KCNQ5: variants seen among roughly 807,000 people sequenced by gnomAD.
The protein encoded by KCNQ5 is potassium voltage-gated channel subfamily Q member 5, also known as potassium voltage-gated channel subfamily KQT member 5.
Under a neutral mutation model 98.2 loss-of-function variants are expected in KCNQ5, and 30 were observed. That is an observed-to-expected ratio of 0.31 (90% confidence interval 0.23 to 0.41). The LOEUF is 0.41. KCNQ5 is among the 10% of genes least tolerant of loss of function. The pLI, the probability that KCNQ5 is intolerant of heterozygous loss-of-function variation, is 1.00. For missense variants in KCNQ5, 835 were observed against 1,182.5 expected, an observed-to-expected ratio of 0.71 and a Z score of 4.31; for synonymous variants, 458 against 449.4, an observed-to-expected ratio of 1.02 and a Z score of -0.24.
intron 10 of KCNQ5, among the ~76,000 whole-genome samples, chr6:73,149,971 T>TA (rs1777085092): frequency 6.7e-6 from 1 of 149,516 alleles, no homozygotes; most frequent in Non-Finnish European, 1.5e-5. Context: ...ACATATCTGA[T>TA]TAGAATATAT....
chr6:73,173,021 G>A (rs1054949345), intron 11 of KCNQ5, among the ~76,000 whole-genome samples: 1 of 152,010 alleles, frequency 6.6e-6, no homozygotes, highest in Non-Finnish European at 1.5e-5. Flanking sequence ...GAATTTGTCT[G>A]GATTCTATTA....
In KCNQ5 at chr6:73,149,819, A is replaced by AGG. The variant is rs1259863657; in HGVS notation, c.1468+16179_1468+16180insGG. On this transcript the variant is annotated intron_variant, in intron 10 of 13. Transcript: ENST00000370398. ...AAAAAAAAAAAAAAGAGAGAGAGAG[A>AGG]GAGAGAGGGAGGGAGGAAGGAAGGA... 1.7e-3 allele frequency among the ~76,000 whole-genome samples: 254 copies of AGG among 146,374 alleles called. 1 individual carries two copies. Among genetic ancestry groups the AGG allele is most frequent in the African/African-American group, 6.2e-3 (230 of 37,354 alleles).
intron 9 of KCNQ5, among the ~76,000 whole-genome samples, chr6:73,128,875 C>G (rs1776104920): frequency 6.6e-6 from 1 of 152,118 alleles, no homozygotes; most frequent in Non-Finnish European, 1.5e-5. Flanking sequence ...CTGTGAGCCA[C>G]CGAGTGCTTT....
At chr6:72,953,982 C>A (rs1766928086) in intron 1 of KCNQ5, among the ~76,000 whole-genome samples, 1 of 152,066 alleles carries the variant, frequency 6.6e-6, no homozygotes, top group Non-Finnish European at 1.5e-5. Context: ...AATTAACGAA[C>A]CACCAACAAA....
intron 1 of KCNQ5, among the ~76,000 whole-genome samples, chr6:72,886,234 G>A (rs1331740114): frequency 6.6e-6 from 1 of 152,082 alleles, no homozygotes; most frequent in Admixed American, 6.6e-5. Context: ...AATATGAGTG[G>A]GGAGCAAGGG....
At chr6:72,756,225 T>C (rs1244303543) in intron 1 of KCNQ5, among the ~76,000 whole-genome samples, 1 of 152,216 alleles carries the variant, frequency 6.6e-6, no homozygotes, top group East Asian at 1.9e-4. Flanking sequence ...TATCACTCTT[T>C]GAACTTAATT....
intron 2 of KCNQ5, among the ~76,000 whole-genome samples, 157 bp from the exon 3 acceptor site, chr6:73,041,779 T>C (rs1472477266): frequency 6.6e-6 from 1 of 152,176 alleles, no homozygotes; most frequent in Non-Finnish European, 1.5e-5. Flanking sequence ...CTGTCCAGAT[T>C]TAGTTTGATC....
intron 1 of KCNQ5, among the ~76,000 whole-genome samples, chr6:72,956,296 CA>C (rs1384026182): frequency 6.6e-6 from 1 of 152,188 alleles, no homozygotes; most frequent in Non-Finnish European, 1.5e-5. Flanking sequence ...AGATCCAAAC[CA>C]GAGCCAAAAT....
chr6:73,085,996 AT>A (rs1327655061), intron 5 of KCNQ5, among the ~76,000 whole-genome samples: 1 of 152,232 alleles, frequency 6.6e-6, no homozygotes, highest in Non-Finnish European at 1.5e-5. Context: ...GTAGATTAAT[AT>A]CTGTCCCACA....
At chr6:72,644,156 C>T (rs112961982) in intron 1 of KCNQ5, among the ~76,000 whole-genome samples, 1,980 of 152,118 alleles carry the variant, frequency 0.013, 46 homozygotes, top group African/African-American at 0.045. Flanking sequence ...TAGCAAATAC[C>T]GACTCATTGC....
chr6:72,787,933 T>C (rs1160612308), intron 1 of KCNQ5, among the ~76,000 whole-genome samples: 1 of 152,258 alleles, frequency 6.6e-6, no homozygotes, highest in Non-Finnish European at 1.5e-5. Context: ...AATAGGTTTC[T>C]TAAGACCAAT....
Position 73,077,306 on chromosome 6 carries a change from G to T in KCNQ5, c.617-16G>T, listed in dbSNP as rs1190333443. Reference sequence around the variant, plus strand: ...TGGTCGTGCTAACTGTGGCTATTTCGACCTGTTTCTTTCAGATACCATTGT... The same window carrying T: ...TGGTCGTGCTAACTGTGGCTATTTCTACCTGTTTCTTTCAGATACCATTGT... On this transcript the variant is annotated splice_polypyrimidine_tract_variant and intron_variant, in intron 3 of 13. Coordinates refer to ENST00000370398, the MANE Select transcript of KCNQ5 (RefSeq NM_019842.4). 1.9e-6 allele frequency: 3 copies of T among 1,610,212 alleles called. No individual in the cohort carries two copies. In the South Asian group the frequency reaches 3.3e-5, roughly 18 times the overall value.
intron 2 of KCNQ5, among the ~76,000 whole-genome samples, chr6:73,028,720 T>G (rs1481632853): frequency 6.6e-6 from 1 of 152,242 alleles, no homozygotes; most frequent in South Asian, 2.1e-4. Flanking sequence ...TTATTTCTTG[T>G]TAATGTCCTG....
intron 2 of KCNQ5, among the ~76,000 whole-genome samples, chr6:73,017,735 C>A (rs1770415389): frequency 6.6e-6 from 1 of 152,172 alleles, no homozygotes. Flanking sequence ...GCAAGTGTTA[C>A]AGGCCCTCCA....
intron 1 of KCNQ5, among the ~76,000 whole-genome samples, chr6:72,854,270 AT>A (rs11321660): frequency 0.96 from 145,674 of 151,978 alleles, 70,021 homozygotes; most frequent in Non-Finnish European, 0.99. Flanking sequence ...ATATAAATAA[AT>A]TTTTTTTTAA....
chr6:73,124,686 C>A (rs1775877834), intron 9 of KCNQ5, 174 bp downstream of exon 9: 5 of 649,126 alleles, frequency 7.7e-6, no homozygotes, highest in Non-Finnish European at 1.1e-5. Context: ...CCCTTAGTAT[C>A]AAAGTGTCTT....
chr6:72,653,657 G>T (rs914182019), intron 1 of KCNQ5, among the ~76,000 whole-genome samples: 8 of 152,136 alleles, frequency 5.3e-5, no homozygotes, highest in South Asian at 2.1e-4. Flanking sequence ...ACTAATTCAT[G>T]TTGTTAAATG....
At chr6:73,047,511 G>T (rs942403859) in intron 3 of KCNQ5, among the ~76,000 whole-genome samples, 5 of 152,134 alleles carry the variant, frequency 3.3e-5, no homozygotes, top group African/African-American at 4.8e-5. Flanking sequence ...TGTTGACCTG[G>T]TACACAAACT....
intron 11 of KCNQ5, among the ~76,000 whole-genome samples, chr6:73,182,823 T>C (rs567775407): frequency 2.0e-5 from 3 of 152,208 alleles, no homozygotes; most frequent in Non-Finnish European, 2.9e-5. Context: ...CTGGAAAATA[T>C]ACCCTGTAAA....
Sources: gnomAD v4.1 joint callset for allele counts (sites outside exome capture counted in the v4.1 genomes callset) on GRCh38, gnomAD v4.1.1 for gene constraint, MANE v1.5 for transcripts, NCBI Gene and HGNC (gene_info 2026-07-23, HGNC 2026-07-21) for gene names.